The following HIVEP1 variants were observed in gnomAD, a reference collection of about 807,000 sequenced individuals.
HIVEP1 encodes HIVEP zinc finger 1.
A neutral mutation model predicts 180.0 loss-of-function variants in HIVEP1; 36 were observed. The ratio of observed to expected loss-of-function variants is 0.20; its 90% CI spans 0.15 to 0.26. The LOEUF (loss-of-function observed/expected upper bound fraction) is 0.26. Among genes scored for constraint, HIVEP1 ranks in the 10% least tolerant of loss-of-function variants. The probability of loss-of-function intolerance (pLI) is 1.00; values close to 1 mark genes in which losing one functional copy is unlikely to be tolerated. For missense variants in HIVEP1, 3,143 were observed against 3,268.7 expected (o/e 0.96, Z 0.94); for synonymous variants, 1,239 against 1,239.0 (o/e 1.00, Z 0.00).
chr6:12,108,007 T>C (rs1031341064), intron 3 of HIVEP1, among the ~76,000 whole-genome samples: 1 of 152,200 alleles, frequency 6.6e-6, no homozygotes, highest in African/African-American at 2.4e-5. Flanking sequence ...GAGTGTCAAT[T>C]GGTGCATTCA....
the HIVEP1 span, among the ~76,000 whole-genome samples, chr6:12,170,680 A>G: frequency 6.9e-4 from 105 of 152,304 alleles, no homozygotes; most frequent in Non-Finnish European, 5.0e-4. Context: ...CCGCAATAAT[A>G]TTATGGTTGG....
At chr6:12,008,036 G>T (rs193291943), upstream of HIVEP1, 1 of 144,126 alleles carries the variant, frequency 6.9e-6, no homozygotes, top group Non-Finnish European at 1.5e-5. Context: ...TTAGTAATCT[G>T]TTAAAAAAAA....
chr6:12,171,049 A>G, the HIVEP1 span, among the ~76,000 whole-genome samples: 10 of 152,280 alleles, frequency 6.6e-5, no homozygotes, highest in East Asian at 1.9e-3. Flanking sequence ...GCTGAATATG[A>G]ATAAGACAAT....
At chr6:12,051,784 TATA>T (rs550406370) in intron 2 of HIVEP1, among the ~76,000 whole-genome samples, 11 of 152,218 alleles carry the variant, frequency 7.2e-5, no homozygotes, top group Non-Finnish European at 1.3e-4. Context: ...TATAAATCTT[TATA>T]AACGCTTATT....
chr6:12,145,036 T>C (rs1267278013), intron 7 of HIVEP1, among the ~76,000 whole-genome samples: 1 of 152,162 alleles, frequency 6.6e-6, no homozygotes, highest in African/African-American at 2.4e-5. Flanking sequence ...ACCCAAAGGA[T>C]TATAAATCAT....
intron 2 of HIVEP1, among the ~76,000 whole-genome samples, chr6:12,042,211 C>G (rs1745705217): frequency 6.7e-6 from 1 of 150,368 alleles, no homozygotes; most frequent in African/African-American, 2.5e-5. Context: ...TCCCGAGTAG[C>G]TGGGACTACA....
intron 3 of HIVEP1, among the ~76,000 whole-genome samples, chr6:12,107,937 G>A (rs1192792059): frequency 1.3e-5 from 2 of 152,092 alleles, no homozygotes; most frequent in Non-Finnish European, 2.9e-5. Context: ...CACCAGATTA[G>A]CTAGATACAG....
Position 12,087,420 on chromosome 6 carries a change from C to T in HIVEP1, c.41-1764C>T, listed in dbSNP as rs1276555555. On this transcript the variant is annotated intron_variant, in intron 2 of 8. Transcript: ENST00000379388. ...TTATGTGCACATAAACTATTAAGCACAGTTGTTACTACTGTGAATATATAA... is the reference window on the plus strand; with the variant it reads ...TTATGTGCACATAAACTATTAAGCATAGTTGTTACTACTGTGAATATATAA... Among the ~76,000 whole-genome samples the T allele has an allele frequency of 3.9e-5, 6 of 152,040 alleles. No homozygotes were observed. The East Asian group carries it at 1.2e-3, about 29-fold the overall frequency.
Position 12,124,572 on chromosome 6 carries a change from G to C in HIVEP1, c.4777G>C (p.Asp1593His). The change falls in exon 4 of 9, where the codon GAT (aspartate) becomes CAT (histidine). Residue 1593 changes from aspartate to histidine, a missense_variant. By Grantham distance (81) the Asp-to-His change is moderately conservative. Around this residue, in one of 12 missense-constraint regions of HIVEP1, gnomAD observed 1,357 missense variants for 1,260.5 expected, o/e 1.08. Coordinates refer to ENST00000379388, the MANE Select transcript of HIVEP1 (RefSeq NM_002114.4). ...AGTTATTTCAGATCCAGTTGGAACAGATCATTGTGTGACATCAGCAACATT... is the reference window on the plus strand; with the variant it reads ...AGTTATTTCAGATCCAGTTGGAACACATCATTGTGTGACATCAGCAACATT... ...NQVISDPVGT[D>H]HCVTSATLPT... 1 of 1,614,044 alleles carries C rather than the reference G, an allele frequency of 6.2e-7. No homozygotes were observed. Among genetic ancestry groups the C allele is most frequent in the Non-Finnish European group, 8.5e-7 (1 of 1,179,988 alleles).
At chr6:12,046,774 T>C (rs1770149833) in intron 2 of HIVEP1, among the ~76,000 whole-genome samples, 2 of 142,030 alleles carry the variant, frequency 1.4e-5, no homozygotes, top group Admixed American at 7.0e-5. Context: ...CGAGACTCTG[T>C]CTCAAAATTA....
the HIVEP1 span, among the ~76,000 whole-genome samples, chr6:12,205,374 A>G: frequency 2.7e-4 from 41 of 152,118 alleles, no homozygotes; most frequent in African/African-American, 7.0e-4. Flanking sequence ...GGGAGGCTGA[A>G]GCAGGAGAAC....
chr6:12,098,658 A>G (rs958107899), intron 3 of HIVEP1, among the ~76,000 whole-genome samples: 1 of 152,236 alleles, frequency 6.6e-6, no homozygotes, highest in Non-Finnish European at 1.5e-5. Flanking sequence ...GAGAGCAGAC[A>G]TGTTGCATAA....
intron 3 of HIVEP1, among the ~76,000 whole-genome samples, chr6:12,099,588 A>G (rs1321766905): frequency 6.6e-6 from 1 of 152,088 alleles, no homozygotes; most frequent in Admixed American, 6.5e-5. Context: ...GTGGTAACAT[A>G]GATGCAACTC....
chr6:12,124,263 G>C lies in HIVEP1; in HGVS notation c.4468G>C (p.Asp1490His). The C allele has an allele frequency of 6.2e-7, 1 of 1,614,088 alleles. No homozygotes were observed. The highest frequency in any genetic ancestry group is 8.5e-7 in the Non-Finnish European group (1 of 1,180,028). Residue 1490 changes from aspartate (D) to histidine (H), a missense_variant, in exon 4 of 9, where the codon GAT (aspartate) becomes CAT (histidine). Around this residue, in one of 12 missense-constraint regions of HIVEP1, gnomAD observed 1,357 missense variants for 1,260.5 expected, o/e 1.08. Transcript: ENST00000379388. ...TTTGCACTCTCAGACTCAGGTTAAG[G>C]ATCTGCAGGCAGAAACATCAAACTC... ...NTLHSQTQVKDLQAETSNSSS... is the reference protein window; with the variant it reads ...NTLHSQTQVKHLQAETSNSSS...
the HIVEP1 span, among the ~76,000 whole-genome samples, chr6:12,202,559 A>T: frequency 6.6e-6 from 1 of 152,196 alleles, no homozygotes; most frequent in Non-Finnish European, 1.5e-5. Context: ...ATCCCCTGAT[A>T]CTTCGTTTAG....
Position 12,121,485 on chromosome 6 carries a change from G to A in HIVEP1, c.1690G>A (p.Val564Met), listed in dbSNP as rs745431922. The change falls in exon 4 of 9, where the codon GTG becomes ATG. Residue 564 changes from valine to methionine, a missense_variant. This residue lies in a region of HIVEP1 where 365 missense variants were observed against 344.4 expected (regional missense o/e 1.06). Coordinates refer to ENST00000379388, the MANE Select transcript of HIVEP1 (RefSeq NM_002114.4). The surrounding 1 kb of genome is among the most constrained non-coding windows in gnomAD (Gnocchi z 5.3). Reference protein sequence around the residue: ...SQAVTELPKVVVHHVTVSPLR... With the variant: ...SQAVTELPKVMVHHVTVSPLR... ...AGCTGTGACAGAGTTACCGAAAGTT[G>A]TGGTCCACCATGTCACTGTGTCCCC... 12 of 1,614,084 alleles carry A rather than the reference G, an allele frequency of 7.4e-6. No homozygotes were observed. In the South Asian group the frequency reaches 1.3e-4, roughly 18 times the overall value.
rs376448475 is a variant in HIVEP1 at position 12,164,127 on chromosome 6, G to T, written c.7823G>T (p.Arg2608Leu). 1.2e-5 allele frequency: 20 copies of T among 1,614,030 alleles called. No homozygotes were observed. The highest frequency in any genetic ancestry group is 1.6e-5 in the Non-Finnish European group (19 of 1,180,032). Reference protein sequence around the residue: ...ESPQGLPTVQRENAKKVLNPP... With the variant: ...ESPQGLPTVQLENAKKVLNPP... Reference sequence around the variant, plus strand: ...CCTCAGGGGTTACCTACAGTCCAGCGGGAAAATGCAAAAAAAGTTCTGAAT... The same window carrying T: ...CCTCAGGGGTTACCTACAGTCCAGCTGGAAAATGCAAAAAAAGTTCTGAAT... The change falls in exon 9 of 9, where the codon CGG becomes CTG. Residue 2608 changes from arginine to leucine, a missense_variant. This residue lies in a region of HIVEP1 where 595 missense variants were observed against 602.2 expected (regional missense o/e 0.99). Coordinates refer to ENST00000379388, the MANE Select transcript of HIVEP1 (RefSeq NM_002114.4).
intron 2 of HIVEP1, among the ~76,000 whole-genome samples, chr6:12,032,991 T>C (rs1324874580): frequency 6.6e-6 from 1 of 152,242 alleles, no homozygotes; most frequent in Admixed American, 6.5e-5. Flanking sequence ...GAAACTTCAC[T>C]GTTATTTTAC....
At chr6:12,191,375 A>C in the HIVEP1 span, among the ~76,000 whole-genome samples, 1 of 152,202 alleles carries the variant, frequency 6.6e-6, no homozygotes. Context: ...GGATGGCTTG[A>C]GCCCAGGAGT....
Sources: gnomAD v4.1 joint callset for allele counts (sites outside exome capture counted in the v4.1 genomes callset) on GRCh38, gnomAD v4.1.1 for gene constraint, gnomAD v4.1.1 regional missense constraint, Gnocchi (gnomAD v3.1) non-coding constraint, MANE v1.5 for transcripts, NCBI Gene and HGNC (gene_info 2026-07-23, HGNC 2026-07-21) for gene names.